KIF21A: variants seen among roughly 807,000 people sequenced by gnomAD.
KIF21A encodes the protein kinesin-like protein KIF21A.
In KIF21A, 114 loss-of-function variants were observed where a neutral mutation model predicts 202.9. The ratio of observed to expected loss-of-function variants is 0.56; its 90% CI spans 0.48 to 0.66. KIF21A has a LOEUF of 0.66. Ranked by LOEUF, KIF21A falls within the 30% of genes least tolerant of loss-of-function variation. KIF21A has a pLI of 0.00. For missense variants in KIF21A, 1,677 were observed against 1,994.9 expected (o/e 0.84, Z 3.04); for synonymous variants, 667 against 670.8 (o/e 0.99, Z 0.09).
intron 3 of KIF21A, 21 bp from the exon 4 acceptor site, chr12:39,368,053 A>G (rs746715488): frequency 6.7e-7 from 1 of 1,487,850 alleles, no homozygotes; most frequent in East Asian, 2.3e-5. Flanking sequence ...AATATTAGAA[A>G]TCTAATTTTA....
At chr12:39,297,462 T>G (rs534693855) in intron 37 of KIF21A, among the ~76,000 whole-genome samples, 146 of 152,044 alleles carry the variant, frequency 9.6e-4, no homozygotes, top group Non-Finnish European at 1.8e-3. Context: ...TTGGAAATCA[T>G]CATTCTCAGT....
intron 1 of KIF21A, among the ~76,000 whole-genome samples, chr12:39,402,427 G>A (rs945508798): frequency 1.1e-4 from 16 of 152,184 alleles, no homozygotes; most frequent in African/African-American, 3.6e-4. Context: ...ACTAGCCTTG[G>A]TGGCTTATGC....
intron 1 of KIF21A, among the ~76,000 whole-genome samples, chr12:39,377,070 T>A (rs1311274721): frequency 6.6e-6 from 1 of 152,022 alleles, no homozygotes; most frequent in Non-Finnish European, 1.5e-5. Context: ...TCTGATCTCA[T>A]CCCCACAAGA....
intron 1 of KIF21A, among the ~76,000 whole-genome samples, chr12:39,375,580 A>G (rs569522017): frequency 6.6e-6 from 1 of 152,246 alleles, no homozygotes; most frequent in South Asian, 2.1e-4. Flanking sequence ...CAGCAACCAT[A>G]TAATAGGGGT....
chr12:39,442,466 C>T lies in KIF21A; in HGVS notation c.44+461G>A, dbSNP rs1215537223. 6.6e-6 allele frequency among the ~76,000 whole-genome samples: 1 copy of T among 152,178 alleles called. No homozygotes were observed. Among genetic ancestry groups the T allele is most frequent in the Non-Finnish European group, 1.5e-5 (1 of 68,024 alleles). On this transcript the variant is annotated intron_variant, in intron 1 of 37. Coordinates refer to ENST00000361418, the MANE Select transcript of KIF21A (RefSeq NM_001173464.2). The surrounding 1 kb of genome is among the most constrained non-coding windows in gnomAD (Gnocchi z 5.0). Reference sequence around the variant, plus strand: ...CGGCGCTGATAGTCAGATGCTTTGTCTCCTGCCTGGGAAGGCCGGAGCTGC... The same window carrying T: ...CGGCGCTGATAGTCAGATGCTTTGTTTCCTGCCTGGGAAGGCCGGAGCTGC...
At chr12:39,346,314 T>C (rs1947885429) in intron 12 of KIF21A, among the ~76,000 whole-genome samples, 152 bp downstream of exon 12, 1 of 152,094 alleles carries the variant, frequency 6.6e-6, no homozygotes, top group South Asian at 2.1e-4. Context: ...TATTACAGTG[T>C]TCTTGTTAGT....
Position 39,351,849 on chromosome 12 carries a change from G to T in KIF21A, c.1601C>A (p.Thr534Asn). The change falls in exon 11 of 38, where the codon ACC (threonine) becomes AAC (asparagine). Residue 534 changes from threonine (T) to asparagine (N), a missense_variant. Around this residue, in one of 3 missense-constraint regions of KIF21A, gnomAD observed 966 missense variants for 1,180.9 expected, o/e 0.82. Transcript: ENST00000361418. ...TTTTGCTAGGTCTATAATTTCAATG[G>T]TTTCTTTGTCTGAGGATAGTATGGT... ...SPTILSSDKE[T>N]IEIIDLAKKD... The T allele has an allele frequency of 6.2e-7, 1 of 1,607,388 alleles. No homozygotes were observed. The highest frequency in any genetic ancestry group is 8.5e-7 in the Non-Finnish European group (1 of 1,174,834).
chr12:39,419,178 A>G (rs1260154251), intron 1 of KIF21A, among the ~76,000 whole-genome samples: 2 of 152,244 alleles, frequency 1.3e-5, no homozygotes, highest in Admixed American at 1.3e-4. Flanking sequence ...CACTTACAGG[A>G]GTACTCTGTT....
At chr12:39,376,770 T>C (rs1950294766) in intron 1 of KIF21A, among the ~76,000 whole-genome samples, 1 of 152,192 alleles carries the variant, frequency 6.6e-6, no homozygotes, top group Non-Finnish European at 1.5e-5. Flanking sequence ...GTGGTACTTT[T>C]CAGACTCTCT....
At chr12:39,402,903 C>T (rs966417238) in intron 1 of KIF21A, among the ~76,000 whole-genome samples, 3 of 152,066 alleles carry the variant, frequency 2.0e-5, no homozygotes, top group South Asian at 4.1e-4. Flanking sequence ...CTGTATATAA[C>T]TAAAAACTGT....
At chr12:39,369,081 T>A (rs1949785716) in intron 3 of KIF21A, among the ~76,000 whole-genome samples, 1 of 152,192 alleles carries the variant, frequency 6.6e-6, no homozygotes, top group African/African-American at 2.4e-5. Context: ...ATTTCTCACA[T>A]ACTTCCCCTA....
chr12:39,295,692 GTTTT>G (rs1054983568), intron 37 of KIF21A, among the ~76,000 whole-genome samples: 5 of 78,130 alleles, frequency 6.4e-5, no homozygotes, highest in Admixed American at 1.7e-4. Flanking sequence ...CTTGGGATAT[GTTTT>G]TTTTTTTTTT....
chr12:39,433,270 T>C (rs1442856162), intron 1 of KIF21A, among the ~76,000 whole-genome samples: 2 of 152,218 alleles, frequency 1.3e-5, no homozygotes, highest in Non-Finnish European at 2.9e-5. Flanking sequence ...AATATCAGTC[T>C]TGTTCTAAAA....
chr12:39,314,251 G>A (rs1944301460), intron 31 of KIF21A, among the ~76,000 whole-genome samples: 1 of 151,708 alleles, frequency 6.6e-6, no homozygotes, highest in African/African-American at 2.4e-5. Context: ...GAAATGTGAT[G>A]CCATGATTTG....
chr12:39,325,498 ATTT>A (rs397714587), intron 26 of KIF21A, among the ~76,000 whole-genome samples: 2 of 121,472 alleles, frequency 1.6e-5, no homozygotes, highest in East Asian at 2.4e-4. Context: ...CGCCCAGCTA[ATTT>A]TTTTTTTTTT....
intron 15 of KIF21A, 141 bp downstream of exon 15, chr12:39,340,765 C>CT: frequency 1.5e-6 from 1 of 662,430 alleles, no homozygotes; most frequent in South Asian, 2.0e-5. Context: ...AAGGCACAAA[C>CT]TTTGACTTGC....
At chr12:39,348,076 T>C (rs1433881016) in intron 11 of KIF21A, among the ~76,000 whole-genome samples, 1 of 152,078 alleles carries the variant, frequency 6.6e-6, no homozygotes, top group Non-Finnish European at 1.5e-5. Flanking sequence ...TATTAAAATA[T>C]ACAGTTGACA....
intron 26 of KIF21A, among the ~76,000 whole-genome samples, chr12:39,324,945 T>C (rs574719211): frequency 6.6e-6 from 1 of 152,336 alleles, no homozygotes; most frequent in East Asian, 1.9e-4. Context: ...TGATTGTTAG[T>C]CAAATCACCT....
intron 10 of KIF21A, among the ~76,000 whole-genome samples, chr12:39,355,606 C>T (rs1948709578): frequency 6.6e-6 from 1 of 151,066 alleles, no homozygotes; most frequent in Non-Finnish European, 1.5e-5. Context: ...GGGAACAGTA[C>T]TCTCAACACG....
Sources: allele counts gnomAD v4.1 joint callset (sites outside exome capture counted in the v4.1 genomes callset), GRCh38; gene constraint gnomAD v4.1.1; regional missense constraint gnomAD v4.1.1; non-coding constraint Gnocchi (gnomAD v3.1); transcripts MANE v1.5; gene names NCBI Gene and HGNC (gene_info 2026-07-23, HGNC 2026-07-21).